Variants in CAPZB observed in about 807,000 individuals in gnomAD.
CAPZB encodes F-actin-capping protein subunit beta.
CAPZB carries 2 observed loss-of-function variants against 38.1 expected under a neutral mutation model. That is an observed-to-expected ratio of 0.05 (90% CI 0.02 to 0.17). The LOEUF (loss-of-function observed/expected upper bound fraction) is 0.17. Ranked by LOEUF, CAPZB falls within the 10% of genes least tolerant of loss-of-function variation. The pLI, the probability that CAPZB is intolerant of heterozygous loss-of-function variation, is 1.00. For synonymous variants in CAPZB, 107 were observed against 127.4 expected (o/e 0.84, Z 1.08); for missense variants, 161 against 334.2 (o/e 0.48, Z 4.04).
intron 2 of CAPZB, among the ~76,000 whole-genome samples, chr1:19,414,817 T>C (rs944329225): frequency 3.3e-5 from 5 of 152,214 alleles, no homozygotes; most frequent in Non-Finnish European, 7.3e-5. Flanking sequence ...CCCTCATGGA[T>C]GTGTGGGTAT....
At chr1:19,456,306 A>G (rs992891346) in intron 1 of CAPZB, among the ~76,000 whole-genome samples, 1 of 152,242 alleles carries the variant, frequency 6.6e-6, no homozygotes, top group East Asian at 1.9e-4. Context: ...GAAGTAAACA[A>G]AAGAAATTTT....
chr1:19,469,969 CAT>C (rs2094581611), intron 1 of CAPZB, among the ~76,000 whole-genome samples: 1 of 152,194 alleles, frequency 6.6e-6, no homozygotes, highest in Non-Finnish European at 1.5e-5. Context: ...TCACATGTCA[CAT>C]GTTAATGGCT....
At chr1:19,456,388 C>T (rs1241426716) in intron 1 of CAPZB, among the ~76,000 whole-genome samples, 2 of 152,134 alleles carry the variant, frequency 1.3e-5, no homozygotes, top group Non-Finnish European at 2.9e-5. Flanking sequence ...ATCAGGTATT[C>T]CATTGGAAAC....
chr1:19,389,218 G>A (rs963032136), intron 2 of CAPZB, among the ~76,000 whole-genome samples: 3 of 151,980 alleles, frequency 2.0e-5, no homozygotes, highest in East Asian at 1.9e-4. Context: ...TCATACCCAC[G>A]CCGTCCCTCC....
intron 1 of CAPZB, among the ~76,000 whole-genome samples, chr1:19,429,715 G>C (rs2094435980): frequency 6.6e-6 from 1 of 152,178 alleles, no homozygotes; most frequent in Non-Finnish European, 1.5e-5. Context: ...TTTCTGCCTG[G>C]ATTTTTCCCT....
chr1:19,461,835 A>C (rs2094552859), intron 1 of CAPZB, among the ~76,000 whole-genome samples: 1 of 152,236 alleles, frequency 6.6e-6, no homozygotes, highest in South Asian at 2.1e-4. Context: ...TCTTGTCTCT[A>C]AAACTAGGAT....
intron 1 of CAPZB, among the ~76,000 whole-genome samples, chr1:19,466,720 T>C (rs900850032): frequency 2.0e-5 from 3 of 152,234 alleles, no homozygotes; most frequent in African/African-American, 7.2e-5. Flanking sequence ...GCATTTCCCA[T>C]GGCATGCTGT....
rs7521465 is a variant in CAPZB, at chr1:19,467,963, C to T, written c.3+17473G>A. On this transcript the variant is annotated intron_variant, in intron 1 of 8. Coordinates refer to ENST00000264202, the MANE Select transcript of CAPZB (RefSeq NM_004930.5). ...CCTAAGAATGCAGCCCTCAGCCAGG[C>T]GCAGTGGCTCACGCCTGTAATCCCA... Among the ~76,000 whole-genome samples, 1,208 of 152,272 alleles carry T rather than the reference C, an allele frequency of 7.9e-3. 12 individuals are homozygous for T. The highest frequency in any genetic ancestry group is 0.027 in the African/African-American group (1,127 of 41,542).
At chr1:19,413,169 C>CA (rs2094364492) in intron 2 of CAPZB, among the ~76,000 whole-genome samples, 1 of 152,162 alleles carries the variant, frequency 6.6e-6, no homozygotes, top group Non-Finnish European at 1.5e-5. Flanking sequence ...TTTCGGGGAT[C>CA]AAGCTGAAGA....
At chr1:19,398,816 G>C (rs2094287215) in intron 2 of CAPZB, among the ~76,000 whole-genome samples, 1 of 151,684 alleles carries the variant, frequency 6.6e-6, no homozygotes, top group East Asian at 1.9e-4. Context: ...TGCAGACAGA[G>C]AGCATCTCTG....
chr1:19,484,446 C>G (rs1275029161), intron 1 of CAPZB: 35 of 1,496,384 alleles, frequency 2.3e-5, no homozygotes, highest in Non-Finnish European at 3.0e-5. Context: ...CAGAATGCTT[C>G]GCACGCACAG....
chr1:19,352,540 T>C (rs569095444), intron 6 of CAPZB, among the ~76,000 whole-genome samples: 3 of 152,252 alleles, frequency 2.0e-5, no homozygotes, highest in African/African-American at 7.2e-5. Flanking sequence ...ATTTTGGAAC[T>C]TGGGGCTTGC....
At chr1:19,378,691 T>C (rs1052773736) in intron 3 of CAPZB, 38 bp from the exon 4 acceptor site, 3 of 1,148,894 alleles carry the variant, frequency 2.6e-6, no homozygotes, top group Middle Eastern at 1.9e-4. Context: ...CCATGAATCG[T>C]TCCATGAAGA....
intron 3 of CAPZB, among the ~76,000 whole-genome samples, chr1:19,385,042 G>A (rs536560132): frequency 3.3e-5 from 5 of 152,248 alleles, no homozygotes; most frequent in Admixed American, 1.3e-4. Context: ...GCGAGGTGAC[G>A]GAAAGAGAGA....
chr1:19,392,359 A>G (rs915871468), intron 2 of CAPZB, among the ~76,000 whole-genome samples: 3 of 151,870 alleles, frequency 2.0e-5, no homozygotes, highest in Non-Finnish European at 4.4e-5. Context: ...GCATCCCAAG[A>G]AGAGGGAAGA....
At chr1:19,444,400 G>A (rs1179919210) in intron 1 of CAPZB, among the ~76,000 whole-genome samples, 3 of 152,086 alleles carry the variant, frequency 2.0e-5, no homozygotes, top group Non-Finnish European at 4.4e-5. Context: ...ACACTCTAGG[G>A]TCCAACCCTC....
At chr1:19,358,648 C>T (rs1342203230) in intron 4 of CAPZB, among the ~76,000 whole-genome samples, 1 of 152,158 alleles carries the variant, frequency 6.6e-6, no homozygotes, top group Non-Finnish European at 1.5e-5. Context: ...CTGTTGATAA[C>T]CAACAAAAAC....
chr1:19,347,378 G>A (rs1334936137), intron 6 of CAPZB, among the ~76,000 whole-genome samples: 4 of 152,166 alleles, frequency 2.6e-5, no homozygotes, highest in South Asian at 2.1e-4. Context: ...AAATAGGGTC[G>A]CATCCTTCTG....
chr1:19,387,267 C>T (rs1325932085), intron 2 of CAPZB, among the ~76,000 whole-genome samples: 6 of 152,232 alleles, frequency 3.9e-5, no homozygotes, highest in Non-Finnish European at 5.9e-5. Context: ...TCCTCCTACT[C>T]TAACTTTGGT....
Sources: gnomAD v4.1 joint callset for allele counts (sites outside exome capture counted in the v4.1 genomes callset) on GRCh38, gnomAD v4.1.1 for gene constraint, MANE v1.5 for transcripts, NCBI Gene and HGNC (gene_info 2026-07-23, HGNC 2026-07-21) for gene names.